Variants in VIT observed in about 807,000 individuals in gnomAD.
The protein encoded by VIT is vitrin.
Under a neutral mutation model 78.0 loss-of-function variants are expected in VIT, and 99 were observed. The observed-to-expected ratio is 1.27, with a 90% confidence interval of 1.08 to 1.50. The LOEUF (loss-of-function observed/expected upper bound fraction) is 1.50. VIT is among the 40% of genes most tolerant of loss of function. VIT has a pLI of 0.00. For synonymous variants in VIT, 374 were observed against 334.3 expected (o/e 1.12, Z -1.29); for missense variants, 1,126 against 875.3 (o/e 1.29, Z -3.61).
chr2:36,812,349 G>C (rs572273065), intron 15 of VIT, among the ~76,000 whole-genome samples: 1 of 152,106 alleles, frequency 6.6e-6, no homozygotes, highest in East Asian at 1.9e-4. Context: ...CTACATCCAG[G>C]CTCTGCCCTC....
Position 36,696,809 on chromosome 2 carries a change from G to C in VIT, c.-183G>C, listed in dbSNP as rs911964590. 2 of 151,990 alleles carry C rather than the reference G, an allele frequency of 1.3e-5. No homozygotes were observed. The highest frequency in any genetic ancestry group is 6.6e-5 in the Admixed American group (1 of 15,238). The allele number at this position is 151,990 out of a possible 1,614,324, so 9.4% of individuals were successfully genotyped here. Reference sequence around the variant, plus strand: ...TACTGAGAGGTTGATGGGACTGTTCGATTAGCTCCTCTGAGAAGAAGAGAA... The same window carrying C: ...TACTGAGAGGTTGATGGGACTGTTCCATTAGCTCCTCTGAGAAGAAGAGAA... On this transcript the variant is annotated 5_prime_UTR_variant, in exon 1 of 16. Coordinates refer to ENST00000379242, the MANE Select transcript of VIT (RefSeq NM_053276.4).
intron 15 of VIT, among the ~76,000 whole-genome samples, chr2:36,811,666 C>CT (rs1667180573): frequency 1.3e-5 from 2 of 149,982 alleles, no homozygotes; most frequent in African/African-American, 4.9e-5. Context: ...TTTTTTCTTT[C>CT]TTTCTTTTTT....
intron 12 of VIT, among the ~76,000 whole-genome samples, chr2:36,789,783 T>A (rs1191946582): frequency 1.3e-5 from 2 of 152,208 alleles, no homozygotes; most frequent in African/African-American, 4.8e-5. Flanking sequence ...TGAGAGCACC[T>A]GATTCTACCT....
intron 7 of VIT, among the ~76,000 whole-genome samples, chr2:36,771,097 G>C (rs1669722450): frequency 6.6e-6 from 1 of 152,150 alleles, no homozygotes; most frequent in Admixed American, 6.5e-5. Context: ...TAAGGTATTT[G>C]GAGAAGGCTT....
intron 12 of VIT, among the ~76,000 whole-genome samples, chr2:36,800,790 T>G (rs1666267752): frequency 6.6e-6 from 1 of 152,148 alleles, no homozygotes; most frequent in Non-Finnish European, 1.5e-5. Context: ...TGAGTTTGAG[T>G]AGTGTCACCC....
At chr2:36,744,325 A>C (rs1026364474) in intron 4 of VIT, among the ~76,000 whole-genome samples, 1 of 152,248 alleles carries the variant, frequency 6.6e-6, no homozygotes, top group African/African-American at 2.4e-5. Context: ...GTATATACCC[A>C]GCAATGGGTA....
At chr2:36,800,238 G>C (rs773553053) in intron 12 of VIT, among the ~76,000 whole-genome samples, 2 of 152,052 alleles carry the variant, frequency 1.3e-5, no homozygotes, top group Admixed American at 6.5e-5. Flanking sequence ...CCAGCTACTC[G>C]GGAGGTTGAG....
intron 2 of VIT, among the ~76,000 whole-genome samples, chr2:36,724,831 A>C (rs1376467384): frequency 6.6e-6 from 1 of 152,248 alleles, no homozygotes; most frequent in Admixed American, 6.5e-5. Context: ...TCAGGCACAG[A>C]GGCCAAGAAC....
intron 3 of VIT, among the ~76,000 whole-genome samples, chr2:36,739,750 G>T (rs949312075): frequency 1.3e-5 from 2 of 152,124 alleles, no homozygotes; most frequent in Non-Finnish European, 2.9e-5. Context: ...CGGTGGGTGG[G>T]TGGGGTCGCA....
At chr2:36,780,655 C>T (rs1664685617) in intron 9 of VIT, among the ~76,000 whole-genome samples, 1 of 152,170 alleles carries the variant, frequency 6.6e-6, no homozygotes, top group African/African-American at 2.4e-5. Context: ...AACAGATTGC[C>T]TTTCAAAACT....
intron 13 of VIT, among the ~76,000 whole-genome samples, chr2:36,802,467 T>C (rs1040848321): frequency 6.6e-6 from 1 of 152,186 alleles, no homozygotes; most frequent in African/African-American, 2.4e-5. Context: ...CGATTAAAGA[T>C]TTCCCTTCCC....
chr2:36,700,851 A>T (rs1391198899), intron 1 of VIT, among the ~76,000 whole-genome samples: 1 of 152,160 alleles, frequency 6.6e-6, no homozygotes, highest in Admixed American at 6.5e-5. Context: ...AACAGCAAAC[A>T]TATGAGGTGG....
chr2:36,721,792 C>T (rs1666529656), intron 2 of VIT, among the ~76,000 whole-genome samples: 1 of 152,204 alleles, frequency 6.6e-6, no homozygotes, highest in African/African-American at 2.4e-5. Context: ...TTCCTCCCAC[C>T]AACCATGCTA....
chr2:36,812,024 C>G (rs1453873898), intron 15 of VIT, among the ~76,000 whole-genome samples: 1 of 152,136 alleles, frequency 6.6e-6, no homozygotes, highest in Non-Finnish European at 1.5e-5. Context: ...TAAGGGCAAC[C>G]TCTCCATCTT....
At chr2:36,780,025 T>C (rs1324354179) in intron 9 of VIT, among the ~76,000 whole-genome samples, 1 of 152,212 alleles carries the variant, frequency 6.6e-6, no homozygotes. Context: ...TACCACCCTG[T>C]TCCTCCTTGA....
intron 1 of VIT, among the ~76,000 whole-genome samples, chr2:36,699,734 C>T (rs1025990464): frequency 1.3e-5 from 2 of 152,080 alleles, no homozygotes; most frequent in Non-Finnish European, 2.9e-5. Flanking sequence ...CTTTTTTCAG[C>T]TTTCTGCTGT....
intron 9 of VIT, among the ~76,000 whole-genome samples, chr2:36,779,389 C>T (rs956676294): frequency 2.6e-5 from 4 of 152,254 alleles, no homozygotes; most frequent in African/African-American, 9.6e-5. Context: ...TAAGCAAGCT[C>T]TCCATAAACA....
intron 4 of VIT, among the ~76,000 whole-genome samples, chr2:36,744,687 A>G (rs1349060433): frequency 6.6e-6 from 1 of 151,454 alleles, no homozygotes; most frequent in Non-Finnish European, 1.5e-5. Flanking sequence ...TGATTGTTTG[A>G]TTAAGTCCCT....
chr2:36,773,028 C>G (rs925318709), intron 7 of VIT, among the ~76,000 whole-genome samples: 2 of 152,190 alleles, frequency 1.3e-5, no homozygotes, highest in Admixed American at 1.3e-4. Context: ...TTCCTTCGCT[C>G]ACAGAGTAAT....
Sources: allele counts gnomAD v4.1 joint callset (sites outside exome capture counted in the v4.1 genomes callset), GRCh38; gene constraint gnomAD v4.1.1; transcripts MANE v1.5; gene names NCBI Gene and HGNC (gene_info 2026-07-23, HGNC 2026-07-21).